The following SLC41A3 variants were observed in gnomAD, a reference collection of about 807,000 sequenced individuals.
SLC41A3 encodes solute carrier family 41 member 3, also known as SLC41A1-like 2.
SLC41A3 carries 44 observed loss-of-function variants against 45.4 expected under a neutral mutation model. The ratio of observed to expected loss-of-function variants is 0.97; its 90% CI spans 0.76 to 1.25. SLC41A3 has a LOEUF of 1.25. Among genes scored for constraint, SLC41A3 ranks in the 50% most tolerant of loss-of-function variants. SLC41A3 has a pLI of 0.00. For synonymous variants in SLC41A3, 256 were observed against 252.4 expected, an observed-to-expected ratio of 1.01 and a Z score of -0.13; for missense variants, 550 against 600.6, an observed-to-expected ratio of 0.92 and a Z score of 0.88.
Position 126,006,785 on chromosome 3 carries a change from C to T in SLC41A3, c.*231G>A. On this transcript the variant is annotated 3_prime_UTR_variant, in exon 11 of 11. Coordinates refer to ENST00000360370, the MANE Select transcript of SLC41A3 (RefSeq NM_017836.4). ...CTTGCACGCTCATTAAGCATGTGCA[C>T]ACATCATATTCACACACTCAAGCCA... 2.1e-6 allele frequency: 3 copies of T among 1,443,150 alleles called. No individual in the cohort carries two copies. Among genetic ancestry groups the T allele is most frequent in the South Asian group, 1.5e-5 (1 of 66,848 alleles). 89.4% of individuals were successfully genotyped at this position (1,443,150 alleles called of 1,614,324 possible).
intron 3 of SLC41A3, among the ~76,000 whole-genome samples, chr3:126,040,204 A>G (rs1942491893): frequency 6.6e-6 from 1 of 152,250 alleles, no homozygotes; most frequent in Non-Finnish European, 1.5e-5. Context: ...ATGCATCTAT[A>G]CATGTCATAA....
intron 2 of SLC41A3, among the ~76,000 whole-genome samples, chr3:126,058,603 G>C (rs1002210759): frequency 1.3e-5 from 2 of 152,106 alleles, no homozygotes; most frequent in African/African-American, 2.4e-5. Flanking sequence ...CTTCACCACG[G>C]CCCTTTGTCC....
chr3:126,013,849 G>A (rs1373531610), intron 8 of SLC41A3, among the ~76,000 whole-genome samples: 1 of 152,170 alleles, frequency 6.6e-6, no homozygotes, highest in Non-Finnish European at 1.5e-5. Flanking sequence ...GCGGGGTCAT[G>A]TGTAGACTGA....
At chr3:126,041,492 A>G (rs1480396231) in intron 3 of SLC41A3, among the ~76,000 whole-genome samples, 1 of 152,244 alleles carries the variant, frequency 6.6e-6, no homozygotes, top group Non-Finnish European at 1.5e-5. Context: ...AAAAGAAATG[A>G]GACTCAAAAG....
At chr3:126,036,135 G>A (rs1942170609) in intron 3 of SLC41A3, among the ~76,000 whole-genome samples, 1 of 152,200 alleles carries the variant, frequency 6.6e-6, no homozygotes, top group Non-Finnish European at 1.5e-5. Context: ...AATCTCACAG[G>A]ATCCTGTCTC....
intron 2 of SLC41A3, among the ~76,000 whole-genome samples, chr3:126,062,190 C>T (rs1016974026): frequency 2.0e-5 from 3 of 152,186 alleles, no homozygotes; most frequent in African/African-American, 7.2e-5. Flanking sequence ...CAAAAGGGTG[C>T]CTCCTGGTGG....
chr3:126,083,347 TA>T (rs1553747142), intron 1 of SLC41A3, among the ~76,000 whole-genome samples: 2 of 151,788 alleles, frequency 1.3e-5, no homozygotes, highest in Middle Eastern at 3.4e-3. Flanking sequence ...AAAAGCCTTC[TA>T]AAAAAAAGTG....
At position 126,026,284 on chromosome 3, in the gene SLC41A3, C is replaced by T. The variant is rs1397826687; in HGVS notation, c.598+51G>A. The T allele has an allele frequency of 6.5e-7, 1 of 1,548,360 alleles. No individual in the cohort carries two copies. The highest frequency in any genetic ancestry group is 2.0e-5 in the Admixed American group (1 of 50,816). On this transcript the variant is annotated intron_variant, in intron 5 of 10. Coordinates refer to ENST00000360370, the MANE Select transcript of SLC41A3 (RefSeq NM_017836.4). The surrounding 1 kb of genome is among the most constrained non-coding windows in gnomAD (Gnocchi z 4.2). ...AAACACAATGAGCTCTGAGGTGGGACCTCAGAGGAGCAGGGAGCGGGTGGG... is the reference window on the plus strand; with the variant it reads ...AAACACAATGAGCTCTGAGGTGGGATCTCAGAGGAGCAGGGAGCGGGTGGG...
At chr3:126,020,137 G>A (rs753894738) in intron 6 of SLC41A3, among the ~76,000 whole-genome samples, 10 of 152,176 alleles carry the variant, frequency 6.6e-5, no homozygotes, top group Non-Finnish European at 1.2e-4. Flanking sequence ...CTTCTGGAGC[G>A]GCAGCATGAG....
chr3:126,030,660 T>A (rs1941732236), intron 4 of SLC41A3, among the ~76,000 whole-genome samples: 1 of 151,946 alleles, frequency 6.6e-6, no homozygotes, highest in Non-Finnish European at 1.5e-5. Context: ...GGTGGGTGAA[T>A]GGGTGGGTGG....
chr3:126,035,742 C>G (rs1021523998), intron 3 of SLC41A3, among the ~76,000 whole-genome samples: 1 of 152,154 alleles, frequency 6.6e-6, no homozygotes, highest in Non-Finnish European at 1.5e-5. Flanking sequence ...TAGCAGGGCT[C>G]TTCTCTAGAA....
At chr3:126,069,364 C>T (rs6780357) in intron 1 of SLC41A3, among the ~76,000 whole-genome samples, 12,596 of 152,138 alleles carry the variant, frequency 0.083, 657 homozygotes, top group African/African-American at 0.13. Flanking sequence ...GTTCCAGGCA[C>T]GGAGTTCAAG....
intron 2 of SLC41A3, among the ~76,000 whole-genome samples, chr3:126,054,079 T>C (rs1943510418): frequency 1.3e-5 from 2 of 151,872 alleles, no homozygotes; most frequent in South Asian, 2.1e-4. Flanking sequence ...ACCCTCGGGG[T>C]CATCTTTGAC....
intron 1 of SLC41A3, 154 bp downstream of exon 1, chr3:126,083,939 C>A (rs59713080): frequency 6.9e-6 from 1 of 145,948 alleles, no homozygotes; most frequent in South Asian, 2.2e-4. Context: ...CTGACTCCCC[C>A]TCCCGCCGAG....
intron 3 of SLC41A3, among the ~76,000 whole-genome samples, chr3:126,043,083 C>G (rs1031496943): frequency 6.7e-6 from 1 of 149,878 alleles, no homozygotes; most frequent in African/African-American, 2.4e-5. Flanking sequence ...TCAAAAAGAT[C>G]AATACTGAGA....
At chr3:126,010,429 G>A (rs1480599269) in intron 9 of SLC41A3, among the ~76,000 whole-genome samples, 2 of 152,102 alleles carry the variant, frequency 1.3e-5, no homozygotes, top group South Asian at 2.1e-4. Context: ...CCAAGATTGC[G>A]CCACTGCACT....
Position 126,026,481 on chromosome 3 carries a change from T to C in SLC41A3, c.454-2A>G, listed in dbSNP as rs1387207741. On this transcript the variant is annotated splice_acceptor_variant, in intron 4 of 10. Transcript: ENST00000360370. LOFTEE classifies it high-confidence loss of function. The surrounding 1 kb of genome is among the most constrained non-coding windows in gnomAD (Gnocchi z 4.2). ...GAGCCCCACGACAGTGGCCTGCACC[T>C]GTTGGACAGAAATCAGAAGCATGAA... 44 of 1,600,096 alleles carry C rather than the reference T, an allele frequency of 2.7e-5. No individual in the cohort carries two copies. The highest frequency in any genetic ancestry group is 3.7e-5 in the Non-Finnish European group (43 of 1,172,970).
At chr3:126,040,988 T>C (rs1942554578) in intron 3 of SLC41A3, among the ~76,000 whole-genome samples, 1 of 152,146 alleles carries the variant, frequency 6.6e-6, no homozygotes, top group Admixed American at 6.5e-5. Flanking sequence ...TTAAATGAGA[T>C]GTCAGAGAAT....
At chr3:126,051,335 G>T (rs1255963719) in intron 2 of SLC41A3, among the ~76,000 whole-genome samples, 1 of 152,218 alleles carries the variant, frequency 6.6e-6, no homozygotes, top group African/African-American at 2.4e-5. Flanking sequence ...TGCACCATGG[G>T]TTCTCTAGAG....
Sources: allele counts gnomAD v4.1 joint callset (sites outside exome capture counted in the v4.1 genomes callset), GRCh38; gene constraint gnomAD v4.1.1; non-coding constraint Gnocchi (gnomAD v3.1); transcripts MANE v1.5; gene names NCBI Gene and HGNC (gene_info 2026-07-23, HGNC 2026-07-21).